The following UTP20 variants were observed in gnomAD, a reference collection of about 807,000 sequenced individuals.
UTP20 encodes UTP20 small subunit processome component.
A neutral mutation model predicts 329.5 loss-of-function variants in UTP20; 164 were observed. That is an observed-to-expected ratio of 0.50 (90% CI 0.44 to 0.57). The LOEUF (loss-of-function observed/expected upper bound fraction) is 0.57, where lower values mean the gene tolerates loss of function less well. UTP20 is among the 20% of genes least tolerant of loss of function. The probability of loss-of-function intolerance (pLI) is 0.00; values close to 1 mark genes in which losing one functional copy is unlikely to be tolerated. For missense variants in UTP20, 3,055 were observed against 3,284.2 expected (o/e 0.93, Z 1.71); for synonymous variants, 1,151 against 1,159.3 (o/e 0.99, Z 0.14).
intron 29 of UTP20, among the ~76,000 whole-genome samples, chr12:101,335,645 G>A (rs1173722408): frequency 6.6e-6 from 1 of 152,124 alleles, no homozygotes; most frequent in African/African-American, 2.4e-5. Context: ...TATTGATTCA[G>A]TGATGTTAAA....
intron 14 of UTP20, among the ~76,000 whole-genome samples, chr12:101,302,022 C>T (rs1872534138): frequency 6.6e-6 from 1 of 152,144 alleles, no homozygotes; most frequent in Non-Finnish European, 1.5e-5. Flanking sequence ...CCTTGACATC[C>T]CAGGCTGAAG....
intron 8 of UTP20, chr12:101,291,251 T>A: frequency 5.8e-6 from 1 of 173,646 alleles, no homozygotes; most frequent in East Asian, 1.6e-4. Context: ...GATGAGTGAA[T>A]ACTTGTAAAA....
chr12:101,347,985 C>T (rs766602455), intron 38 of UTP20, among the ~76,000 whole-genome samples: 2 of 152,112 alleles, frequency 1.3e-5, no homozygotes, highest in Admixed American at 6.5e-5. Context: ...CCCGCCACCA[C>T]ACCCAGCTAA....
Position 101,373,285 on chromosome 12 carries a change from C to G in UTP20, c.6879-116C>G, listed in dbSNP as rs1870352381. On this transcript the variant is annotated intron_variant, in intron 52 of 61. Transcript: ENST00000261637. ...AAGCATTAAAATTAGGAAAACAGAGCATTTTCCATTTTTTTAAGAAGTAAA... is the reference window on the plus strand; with the variant it reads ...AAGCATTAAAATTAGGAAAACAGAGGATTTTCCATTTTTTTAAGAAGTAAA... The G allele has an allele frequency of 5.1e-6, 5 of 972,672 alleles. No homozygotes were observed. In the Admixed American group the frequency reaches 9.0e-5, roughly 18 times the overall value. The allele number at this position is 972,672 out of a possible 1,614,324, so 60.3% of individuals were successfully genotyped here. A position where few individuals can be genotyped will look rare whatever the true frequency, so the allele number is the denominator to read the frequency against.
chr12:101,295,729 T>C, intron 12 of UTP20, 71 bp downstream of exon 12: 3 of 1,422,136 alleles, frequency 2.1e-6, no homozygotes, highest in Non-Finnish European at 2.8e-6. Context: ...TCAAGAATAC[T>C]GTAAAAAAAT....
intron 55 of UTP20, 86 bp from the exon 56 acceptor site, chr12:101,375,538 G>A (rs553183545): frequency 1.3e-5 from 19 of 1,429,410 alleles, no homozygotes; most frequent in East Asian, 2.3e-5. Flanking sequence ...GTTCAGAAAC[G>A]GGTGGATTGA....
At chr12:101,355,543 C>T (rs1869690290) in intron 41 of UTP20, among the ~76,000 whole-genome samples, 1 of 152,154 alleles carries the variant, frequency 6.6e-6, no homozygotes, top group Non-Finnish European at 1.5e-5. Context: ...GGGTGAAACA[C>T]GGGTTGGCCA....
At chr12:101,370,945 A>G (rs575479282) in intron 50 of UTP20, 113 bp from the exon 51 acceptor site, 3 of 847,238 alleles carry the variant, frequency 3.5e-6, no homozygotes, top group Non-Finnish European at 5.5e-6. Flanking sequence ...TTTCTTTTGA[A>G]GATACTTTCT....
intron 19 of UTP20, among the ~76,000 whole-genome samples, chr12:101,310,417 A>T (rs1386601715): frequency 2.0e-5 from 3 of 151,780 alleles, no homozygotes; most frequent in African/African-American, 7.3e-5. Context: ...TTCTACTAAA[A>T]ATACAAAATT....
intron 2 of UTP20, among the ~76,000 whole-genome samples, chr12:101,284,938 TG>T (rs1032704780): frequency 4.6e-5 from 7 of 152,274 alleles, no homozygotes; most frequent in African/African-American, 1.4e-4. Context: ...TTTATCATTT[TG>T]GGGGCATATC....
At chr12:101,366,470 C>A in intron 46 of UTP20, 88 bp from the exon 47 acceptor site, 1 of 1,491,626 alleles carries the variant, frequency 6.7e-7, no homozygotes. Flanking sequence ...TAGTGCTGGG[C>A]TCTCGTCACT....
chr12:101,334,297 T>G, intron 28 of UTP20, 128 bp from the exon 29 acceptor site: 1 of 709,600 alleles, frequency 1.4e-6, no homozygotes, highest in Non-Finnish European at 2.3e-6. Context: ...ATTGTGTCAT[T>G]TGGATGTTCA....
intron 37 of UTP20, 65 bp from the exon 38 acceptor site, chr12:101,346,386 C>T: frequency 6.7e-7 from 1 of 1,503,000 alleles, no homozygotes; most frequent in Non-Finnish European, 8.9e-7. Flanking sequence ...GAATACGATA[C>T]TAAAATGGAG....
chr12:101,280,355 C>T, intron 1 of UTP20, 28 bp downstream of exon 1: 1 of 1,551,564 alleles, frequency 6.4e-7, no homozygotes, highest in Non-Finnish European at 8.7e-7. Flanking sequence ...GGCAGGGAGC[C>T]GCGGGTCTCC....
chr12:101,350,844 C>T (rs924492692), intron 38 of UTP20, among the ~76,000 whole-genome samples: 12 of 152,082 alleles, frequency 7.9e-5, no homozygotes, highest in African/African-American at 2.7e-4. Context: ...AGTACTCAGC[C>T]GAAGACTCTA....
At chr12:101,289,157 A>G in intron 6 of UTP20, 116 bp downstream of exon 6, 1 of 853,460 alleles carries the variant, frequency 1.2e-6, no homozygotes, top group Non-Finnish European at 1.8e-6. Flanking sequence ...CAGGTGGATC[A>G]CCTGAGGTCA....
chr12:101,337,972 G>A, intron 29 of UTP20, 79 bp from the exon 30 acceptor site: 1 of 1,281,716 alleles, frequency 7.8e-7, no homozygotes, highest in South Asian at 1.4e-5. Flanking sequence ...TTAAACTCAT[G>A]GTGAAAATTC....
intron 25 of UTP20, among the ~76,000 whole-genome samples, chr12:101,323,285 A>T (rs1332297677): frequency 1.3e-5 from 2 of 152,202 alleles, no homozygotes; most frequent in African/African-American, 4.8e-5. Flanking sequence ...AAAATCTTAC[A>T]TTGAATACCT....
At chr12:101,351,605 G>A (rs1044691357) in intron 38 of UTP20, among the ~76,000 whole-genome samples, 8 of 143,238 alleles carry the variant, frequency 5.6e-5, no homozygotes, top group Non-Finnish European at 1.0e-4. Context: ...AGGTAAACAT[G>A]TGCCGTGGTG....
Sources: allele counts gnomAD v4.1 joint callset (sites outside exome capture counted in the v4.1 genomes callset), GRCh38; gene constraint gnomAD v4.1.1; transcripts MANE v1.5; gene names NCBI Gene and HGNC (gene_info 2026-07-23, HGNC 2026-07-21).